LINC00305: variants seen among roughly 807,000 people sequenced by gnomAD.
LINC00305 encodes long independently transcribed non-coding RNA 305, also known as long intergenic non-protein coding RNA 305.
intron 1 of LINC00305, among the ~76,000 whole-genome samples, chr18:64,107,509 T>C (rs549642867): frequency 6.6e-6 from 1 of 152,184 alleles, no homozygotes; most frequent in Non-Finnish European, 1.5e-5. Context: ...GGCATTGGGA[T>C]AGATGCGCAC....
At chr18:64,141,310 A>G (rs2051462094) in intron 1 of LINC00305, among the ~76,000 whole-genome samples, 1 of 152,178 alleles carries the variant, frequency 6.6e-6, no homozygotes, top group Admixed American at 6.5e-5. Flanking sequence ...TCCAGAAAGA[A>G]CCAAATGATT....
At chr18:64,118,678 A>G (rs1048048525) in intron 1 of LINC00305, among the ~76,000 whole-genome samples, 1 of 152,140 alleles carries the variant, frequency 6.6e-6, no homozygotes, top group Admixed American at 6.6e-5. Context: ...CATAAATTAT[A>G]TACATATATA....
intron 3 of LINC00305, among the ~76,000 whole-genome samples, chr18:64,088,536 G>T (rs1208179974): frequency 6.6e-6 from 1 of 152,234 alleles, no homozygotes; most frequent in Non-Finnish European, 1.5e-5. Flanking sequence ...CACAGAGTCA[G>T]TAAGTGGTAG....
chr18:64,084,382 G>A (rs909438700), intron 3 of LINC00305, among the ~76,000 whole-genome samples: 14 of 152,020 alleles, frequency 9.2e-5, no homozygotes, highest in African/African-American at 2.2e-4. Flanking sequence ...ACAAACCCCC[G>A]TGACACAAGT....
chr18:64,108,541 G>C (rs566126972), intron 1 of LINC00305, among the ~76,000 whole-genome samples: 27 of 152,262 alleles, frequency 1.8e-4, no homozygotes, highest in African/African-American at 4.1e-4. Context: ...GTCACAGAAG[G>C]CCTCTTAGAG....
intron 2 of LINC00305, among the ~76,000 whole-genome samples, chr18:64,098,391 C>A (rs575602618): frequency 6.6e-6 from 1 of 152,148 alleles, no homozygotes; most frequent in South Asian, 2.1e-4. Flanking sequence ...GCATGGATCA[C>A]ACACCAGTTC....
chr18:64,093,368 C>T (rs2144896801), intron 3 of LINC00305, among the ~76,000 whole-genome samples: 1 of 152,228 alleles, frequency 6.6e-6, no homozygotes, highest in South Asian at 2.1e-4. Flanking sequence ...TGGAGTCTCG[C>T]TCTGTCACCA....
At chr18:64,112,318 C>A (rs1183914441) in intron 1 of LINC00305, among the ~76,000 whole-genome samples, 1 of 146,730 alleles carries the variant, frequency 6.8e-6, no homozygotes, top group African/African-American at 2.5e-5. Flanking sequence ...TCAAACGTTT[C>A]CATTTTGCAC....
intron 1 of LINC00305, among the ~76,000 whole-genome samples, chr18:64,103,645 A>G (rs1007513141): frequency 6.6e-6 from 1 of 152,206 alleles, no homozygotes; most frequent in Non-Finnish European, 1.5e-5. Context: ...TTCTCAGCTC[A>G]GGAACTCCTG....
intron 1 of LINC00305, among the ~76,000 whole-genome samples, chr18:64,103,007 C>A (rs974346960): frequency 1.3e-5 from 2 of 152,146 alleles, no homozygotes; most frequent in Non-Finnish European, 2.9e-5. Flanking sequence ...GCAGGCAGGA[C>A]GAGCATGCTC....
At chr18:64,134,594 G>A (rs1385934726) in intron 1 of LINC00305, among the ~76,000 whole-genome samples, 1 of 152,050 alleles carries the variant, frequency 6.6e-6, no homozygotes, top group African/African-American at 2.4e-5. Flanking sequence ...ATCTAAATTG[G>A]TTTTAAATGA....
intron 1 of LINC00305, among the ~76,000 whole-genome samples, chr18:64,116,489 C>T (rs141367472): frequency 2.0e-5 from 3 of 152,288 alleles, no homozygotes; most frequent in Non-Finnish European, 2.9e-5. Context: ...TTTCTGCAAA[C>T]GTGATGTTAG....
chr18:64,102,102 C>A (rs1175455108), intron 1 of LINC00305, among the ~76,000 whole-genome samples: 1 of 152,184 alleles, frequency 6.6e-6, no homozygotes, highest in Non-Finnish European at 1.5e-5. Flanking sequence ...CCAGTGACCG[C>A]TGTTCATATC....
At chr18:64,126,815 T>C (rs1297573237) in intron 1 of LINC00305, among the ~76,000 whole-genome samples, 1 of 152,134 alleles carries the variant, frequency 6.6e-6, no homozygotes, top group African/African-American at 2.4e-5. Flanking sequence ...AAATAACTAC[T>C]CTTGATTTAG....
intron 1 of LINC00305, among the ~76,000 whole-genome samples, chr18:64,143,378 T>A (rs534295832): frequency 5.5e-4 from 84 of 151,836 alleles, no homozygotes; most frequent in African/African-American, 2.0e-3. Context: ...GCCTAGTATC[T>A]GAAAAGCATT....
At chr18:64,098,897 T>A (rs1027261341) in intron 1 of LINC00305, among the ~76,000 whole-genome samples, 2 of 152,126 alleles carry the variant, frequency 1.3e-5, no homozygotes, top group African/African-American at 4.8e-5. Context: ...GTCAAGGCAC[T>A]AAGCCAAGTG....
At chr18:64,112,169 T>C (rs780597500) in intron 1 of LINC00305, among the ~76,000 whole-genome samples, 1 of 152,176 alleles carries the variant, frequency 6.6e-6, no homozygotes, top group African/African-American at 2.4e-5. Context: ...TACTGCGGCA[T>C]AATCATTTGG....
At chr18:64,120,122 A>G (rs904507014) in intron 1 of LINC00305, among the ~76,000 whole-genome samples, 3 of 152,110 alleles carry the variant, frequency 2.0e-5, no homozygotes, top group African/African-American at 7.2e-5. Flanking sequence ...CAGAGGGGGC[A>G]TCTTTCAACA....
intron 3 of LINC00305, among the ~76,000 whole-genome samples, chr18:64,082,572 C>T (rs1232616690): frequency 6.6e-6 from 1 of 152,202 alleles, no homozygotes; most frequent in Non-Finnish European, 1.5e-5. Flanking sequence ...GCTACAGTGG[C>T]AGAGACAGAA....
Sources: gnomAD v4.1 joint callset for allele counts (sites outside exome capture counted in the v4.1 genomes callset) on GRCh38, gnomAD v4.1.1 for gene constraint, MANE v1.5 for transcripts, NCBI Gene and HGNC (gene_info 2026-07-23, HGNC 2026-07-21) for gene names.